The following DAG1 variants were observed in gnomAD, a reference collection of about 807,000 sequenced individuals.
DAG1 encodes dystroglycan 1 (dystrophin-associated glycoprotein 1).
A neutral mutation model predicts 46.1 loss-of-function variants in DAG1; 8 were observed. The observed-to-expected ratio is 0.17, with a 90% CI of 0.10 to 0.31. The LOEUF is 0.31. Among genes scored for constraint, DAG1 ranks in the 10% least tolerant of loss-of-function variants. DAG1 has a pLI of 1.00. For synonymous variants in DAG1, 495 were observed against 481.8 expected (o/e 1.03, Z -0.36); for missense variants, 1,003 against 1,189.9 (o/e 0.84, Z 2.31).
Position 49,514,860 on chromosome 3 carries a change from CAT to C in DAG1, c.285+4052_285+4053del, listed in dbSNP as rs747027295. ...GTACACATACATAGACACACACACACATATATATATATTTTTTGAGATGGAAT... is the reference window on the plus strand; with the variant it reads ...GTACACATACATAGACACACACACACATATATATATTTTTTGAGATGGAAT... On this transcript the variant is annotated intron_variant, in intron 2 of 2. Coordinates refer to ENST00000308775, the MANE Select transcript of DAG1 (RefSeq NM_004393.6). Among the ~76,000 whole-genome samples, 53 of 150,496 alleles carry C rather than the reference CAT, an allele frequency of 3.5e-4. 2 individuals are homozygous for C. The South Asian group carries it at 7.6e-3, about 21-fold the overall frequency.
At chr3:49,476,573 T>A (rs999838845) in intron 1 of DAG1, among the ~76,000 whole-genome samples, 1 of 152,212 alleles carries the variant, frequency 6.6e-6, no homozygotes, top group Non-Finnish European at 1.5e-5. Context: ...AGGTTTTTCT[T>A]CTCAGTTATA....
At chr3:49,483,304 A>G (rs2049934101) in intron 1 of DAG1, among the ~76,000 whole-genome samples, 1 of 151,500 alleles carries the variant, frequency 6.6e-6, no homozygotes, top group African/African-American at 2.4e-5. Flanking sequence ...CCCAGATTCA[A>G]GTGATTCTCC....
chr3:49,525,357 A>G (rs1420740363), intron 2 of DAG1, among the ~76,000 whole-genome samples: 1 of 152,190 alleles, frequency 6.6e-6, no homozygotes, highest in Non-Finnish European at 1.5e-5. Flanking sequence ...TTGTGGTGCT[A>G]TAAAGAAATA....
chr3:49,485,009 C>T (rs546640963), intron 1 of DAG1, among the ~76,000 whole-genome samples: 4 of 152,032 alleles, frequency 2.6e-5, no homozygotes, highest in Admixed American at 6.6e-5. Flanking sequence ...TTATTTGAGA[C>T]GGAGTCTCGC....
chr3:49,484,523 T>A (rs565182833), intron 1 of DAG1, among the ~76,000 whole-genome samples: 1 of 152,132 alleles, frequency 6.6e-6, no homozygotes. Context: ...TTCTAATAGC[T>A]GAAGATAAAA....
intron 2 of DAG1, among the ~76,000 whole-genome samples, chr3:49,522,801 G>C (rs935896846): frequency 6.6e-6 from 1 of 152,170 alleles, no homozygotes; most frequent in African/African-American, 2.4e-5. Context: ...AAGTTTTCTG[G>C]CCTTTTTGGT....
chr3:49,509,264 C>G (rs1368467133), intron 1 of DAG1, among the ~76,000 whole-genome samples: 1 of 152,126 alleles, frequency 6.6e-6, no homozygotes, highest in African/African-American at 2.4e-5. Flanking sequence ...GGGACACTGT[C>G]TGTACAAAAG....
At chr3:49,478,801 C>CATTTTTTT (rs2049774681) in intron 1 of DAG1, among the ~76,000 whole-genome samples, 2 of 90,442 alleles carry the variant, frequency 2.2e-5, no homozygotes, top group African/African-American at 4.2e-5. Context: ...TCGTCCCCTC[C>CATTTTTTT]CTTTTTTTTT....
rs754599980 is a variant in DAG1, at chr3:49,532,725, C to T, written c.2214C>T (p.Asp738=). Residue 738 remains aspartate, a synonymous_variant, in exon 3 of 3, where the codon GAC becomes GAT. Coordinates refer to ENST00000308775, the MANE Select transcript of DAG1 (RefSeq NM_004393.6). The surrounding 1 kb of genome is among the most constrained non-coding windows in gnomAD (Gnocchi z 5.4). ...PSEAPPTEVP[D]RDPEKSSEDD... The stretch of plus-strand genomic sequence containing the variant: ...AGGCGCCGCCCACAGAAGTGCCTGA[C>T]AGGGACCCTGAGAAGAGCAGTGAGG... 4 of 1,614,188 alleles carry T rather than the reference C, an allele frequency of 2.5e-6. No individual in the cohort carries two copies. The highest frequency in any genetic ancestry group is 1.1e-5 in the South Asian group (1 of 91,090).
chr3:49,523,924 A>G (rs912256182), intron 2 of DAG1, among the ~76,000 whole-genome samples: 3 of 152,206 alleles, frequency 2.0e-5, no homozygotes, highest in African/African-American at 7.2e-5. Flanking sequence ...CTTCTCATGG[A>G]GTAGAAGAAT....
At chr3:49,472,113 G>A (rs995155616) in intron 1 of DAG1, among the ~76,000 whole-genome samples, 1 of 152,158 alleles carries the variant, frequency 6.6e-6, no homozygotes, top group East Asian at 1.9e-4. Flanking sequence ...AGGAGTCTGG[G>A]GAGCCTTTTA....
intron 2 of DAG1, among the ~76,000 whole-genome samples, chr3:49,524,476 G>A (rs752286250): frequency 1.3e-4 from 20 of 150,926 alleles, no homozygotes; most frequent in Non-Finnish European, 2.8e-4. Flanking sequence ...AGGAGTTCAA[G>A]ACCAATCTGG....
intron 1 of DAG1, among the ~76,000 whole-genome samples, chr3:49,485,696 C>G (rs192009187): frequency 4.2e-5 from 5 of 119,966 alleles, no homozygotes; most frequent in Admixed American, 2.2e-4. Context: ...AGGTCTCACT[C>G]TGTCACCCAA....
At chr3:49,521,161 GT>G (rs1173790625) in intron 2 of DAG1, among the ~76,000 whole-genome samples, 1 of 151,854 alleles carries the variant, frequency 6.6e-6, no homozygotes, top group East Asian at 1.9e-4. Flanking sequence ...TTTTTTGTTT[GT>G]TTTTGTTGTT....
chr3:49,520,753 A>C (rs2051006420), intron 2 of DAG1, among the ~76,000 whole-genome samples: 1 of 152,180 alleles, frequency 6.6e-6, no homozygotes, highest in South Asian at 2.1e-4. Flanking sequence ...TGCTCACCAA[A>C]TCAGTTTCTC....
At chr3:49,488,163 A>C (rs2050087970) in intron 1 of DAG1, among the ~76,000 whole-genome samples, 1 of 152,270 alleles carries the variant, frequency 6.6e-6, no homozygotes, top group Non-Finnish European at 1.5e-5. Flanking sequence ...AATTTATGAC[A>C]CCTGCTGCCC....
At position 49,530,856 on chromosome 3, in the gene DAG1, C is replaced by T. The variant is rs1423795541; in HGVS notation, c.345C>T (p.His115=). ...GGCTGCACTGGGACTCACAGAGCCA[C>T]ACCCTGGAGGGCCTCCCCCTTGACA... is the stretch of plus-strand genomic sequence containing the variant. The part of the protein sequence containing the change: ...PSWLHWDSQS[H]TLEGLPLDTD... The change falls in exon 3 of 3, where the codon CAC becomes CAT. Residue 115 remains histidine, a synonymous_variant. Transcript: ENST00000308775. The T allele has an allele frequency of 1.9e-6, 3 of 1,614,096 alleles. No individual in the cohort carries two copies. Among genetic ancestry groups the T allele is most frequent in the East Asian group, 4.5e-5 (2 of 44,904 alleles).
intron 2 of DAG1, among the ~76,000 whole-genome samples, chr3:49,526,441 G>T (rs1389433588): frequency 3.3e-5 from 5 of 152,226 alleles, no homozygotes; most frequent in Non-Finnish European, 5.9e-5. Flanking sequence ...ACGTGCAGTG[G>T]CTCACAACTG....
chr3:49,490,331 C>T (rs963189372), intron 1 of DAG1, among the ~76,000 whole-genome samples: 2 of 148,858 alleles, frequency 1.3e-5, no homozygotes, highest in Non-Finnish European at 3.0e-5. Context: ...CTAGCCTGGG[C>T]GACAGAGTGA....
Sources: gnomAD v4.1 joint callset for allele counts (sites outside exome capture counted in the v4.1 genomes callset) on GRCh38, gnomAD v4.1.1 for gene constraint, Gnocchi (gnomAD v3.1) non-coding constraint, MANE v1.5 for transcripts, NCBI Gene and HGNC (gene_info 2026-07-23, HGNC 2026-07-21) for gene names.